Variants in CCDC7 observed in about 807,000 individuals in gnomAD.
CCDC7 encodes the protein coiled-coil domain containing 7.
In CCDC7, 183 loss-of-function variants were observed where a neutral mutation model predicts 196.9. The observed-to-expected ratio is 0.93, with a 90% confidence interval of 0.82 to 1.05. The LOEUF (loss-of-function observed/expected upper bound fraction) is 1.05. CCDC7 is among the 50% of genes least tolerant of loss of function. The probability of loss-of-function intolerance (pLI) is 0.00; values close to 1 mark genes in which losing one functional copy is unlikely to be tolerated. For missense variants in CCDC7, 1,540 were observed against 1,482.2 expected (o/e 1.04, Z -0.64); for synonymous variants, 525 against 484.6 (o/e 1.08, Z -1.10).
intron 28 of CCDC7, among the ~76,000 whole-genome samples, chr10:32,729,861 T>C (rs1453065858): frequency 6.6e-6 from 1 of 152,196 alleles, no homozygotes; most frequent in Non-Finnish European, 1.5e-5. Context: ...TTATTATGGC[T>C]CCACAAACTT....
At chr10:32,530,027 T>A (rs981149015) in intron 11 of CCDC7, among the ~76,000 whole-genome samples, 5 of 152,102 alleles carry the variant, frequency 3.3e-5, no homozygotes, top group African/African-American at 1.2e-4. Flanking sequence ...TTGAATAGGG[T>A]GTCCTTTCCC....
intron 41 of CCDC7, among the ~76,000 whole-genome samples, chr10:32,865,395 C>A (rs2094164606): frequency 9.8e-6 from 1 of 101,886 alleles, no homozygotes; most frequent in Non-Finnish European, 2.0e-5. Context: ...GTGAGGTACT[C>A]CTATTATACA....
intron 9 of CCDC7, among the ~76,000 whole-genome samples, chr10:32,514,741 C>G (rs561314644): frequency 2.6e-5 from 4 of 152,314 alleles, no homozygotes; most frequent in Non-Finnish European, 5.9e-5. Context: ...GGCACTGAAA[C>G]TACAAAACAT....
At chr10:32,792,890 A>G (rs1049863118) in intron 29 of CCDC7, among the ~76,000 whole-genome samples, 4 of 152,228 alleles carry the variant, frequency 2.6e-5, no homozygotes, top group African/African-American at 9.6e-5. Context: ...TACAAAAAAT[A>G]TTAAATCACA....
At chr10:32,711,374 A>T (rs1295977882) in intron 24 of CCDC7, among the ~76,000 whole-genome samples, 1 of 152,104 alleles carries the variant, frequency 6.6e-6, no homozygotes, top group Non-Finnish European at 1.5e-5. Flanking sequence ...TAAATAACTT[A>T]AGGAAAGTAG....
chr10:32,518,051 C>A, intron 10 of CCDC7, 76 bp downstream of exon 11: 1 of 1,457,176 alleles, frequency 6.9e-7, no homozygotes, highest in East Asian at 2.5e-5. Context: ...TGTCAGGATA[C>A]ATAATCCTAT....
upstream of CCDC7, among the ~76,000 whole-genome samples, chr10:32,446,882 TTGCC>T (rs71027088): frequency 0.39 from 42,278 of 109,702 alleles, 7,483 homozygotes; most frequent in Middle Eastern, 0.43. Context: ...CAAGTGAGCG[TTGCC>T]TGCCTGCCTG....
At chr10:32,636,219 C>CT (rs951529572) in intron 20 of CCDC7, among the ~76,000 whole-genome samples, 5 of 151,704 alleles carry the variant, frequency 3.3e-5, no homozygotes, top group Admixed American at 1.3e-4. Context: ...TCATTTAGTT[C>CT]TTTTTTTTAT....
chr10:32,705,084 T>A (rs1303700050), intron 24 of CCDC7, among the ~76,000 whole-genome samples: 1 of 152,228 alleles, frequency 6.6e-6, no homozygotes, highest in East Asian at 1.9e-4. Context: ...AATGCAGAAA[T>A]CATTCGTGTT....
At position 32,822,011 on chromosome 10, in the gene CCDC7, A is replaced by G. The variant is rs766971497; in HGVS notation, c.3182-2507A>G. 1.2e-3 allele frequency among the ~76,000 whole-genome samples: 185 copies of G among 150,092 alleles called. 1 individual carries two copies. Among genetic ancestry groups the G allele is most frequent in the Admixed American group, 2.9e-3 (43 of 15,062 alleles). ...TAAATAAAAGTGCTGAAAAAAAAAA[A>G]TCTACCAACCAATAATTTTATTGCT... On this transcript the variant is annotated intron_variant, in intron 31 of 41. Coordinates refer to ENST00000639629, the Ensembl canonical transcript of CCDC7.
chr10:32,622,203 A>C (rs1286318079), intron 18 of CCDC7, among the ~76,000 whole-genome samples: 1 of 152,186 alleles, frequency 6.6e-6, no homozygotes, highest in East Asian at 1.9e-4. Flanking sequence ...ACAGCTTTAG[A>C]TAAAAGGCAG....
intron 11 of CCDC7, among the ~76,000 whole-genome samples, chr10:32,541,502 C>T (rs1262851453): frequency 1.3e-5 from 2 of 152,206 alleles, no homozygotes; most frequent in African/African-American, 4.8e-5. Context: ...GCAAGCCTTA[C>T]CCGCCTGGCT....
intron 16 of CCDC7, among the ~76,000 whole-genome samples, chr10:32,579,161 CTG>C (rs1180053910): frequency 6.6e-6 from 1 of 152,028 alleles, no homozygotes; most frequent in Non-Finnish European, 1.5e-5. Context: ...AGGACAGAGA[CTG>C]GAGTAAGTAG....
At chr10:32,569,966 C>A (rs2057351776) in intron 15 of CCDC7, among the ~76,000 whole-genome samples, 1 of 152,046 alleles carries the variant, frequency 6.6e-6, no homozygotes. Flanking sequence ...CCTAGAGTTT[C>A]TTTTTATTCC....
intron 20 of CCDC7, among the ~76,000 whole-genome samples, chr10:32,643,862 T>G (rs1183675920): frequency 2.0e-5 from 3 of 149,406 alleles, no homozygotes; most frequent in Admixed American, 2.0e-4. Context: ...AAAATTATTT[T>G]GAAAATTAAT....
At chr10:32,817,225 GA>G (rs1437828951) in intron 31 of CCDC7, among the ~76,000 whole-genome samples, 8 of 152,204 alleles carry the variant, frequency 5.3e-5, no homozygotes, top group Admixed American at 3.9e-4. Flanking sequence ...TCAACTGGAA[GA>G]GGGGGTATCA....
At chr10:32,607,969 T>G (rs2061703696) in intron 18 of CCDC7, among the ~76,000 whole-genome samples, 1 of 152,190 alleles carries the variant, frequency 6.6e-6, no homozygotes, top group African/African-American at 2.4e-5. Context: ...TGACTTTTTA[T>G]TACTGATTTA....
rs11008993 is a variant in CCDC7, at chr10:32,601,989, C to T, written c.1801+17685C>T. Among the ~76,000 whole-genome samples, 505 of 152,292 alleles carry T rather than the reference C, an allele frequency of 3.3e-3. 2 individuals carry two copies. Among genetic ancestry groups the T allele is most frequent in the African/African-American group, 0.011 (470 of 41,570 alleles). On this transcript the variant is annotated intron_variant, in intron 18 of 41. Coordinates refer to ENST00000639629, the Ensembl canonical transcript of CCDC7. The stretch of plus-strand genomic sequence containing the variant: ...AATAAAAGCTGGCCACCCGAGCCAG[C>T]AGCGGCAACCTGATCGGGTCCCCTT...
At chr10:32,655,407 A>T (rs1350160496) in intron 20 of CCDC7, among the ~76,000 whole-genome samples, 1 of 152,070 alleles carries the variant, frequency 6.6e-6, no homozygotes, top group African/African-American at 2.4e-5. Flanking sequence ...TGCGTTTTTC[A>T]TTATAGTTGT....
Sources: gnomAD v4.1 joint callset for allele counts (sites outside exome capture counted in the v4.1 genomes callset) on GRCh38, gnomAD v4.1.1 for gene constraint, MANE v1.5 for transcripts, NCBI Gene and HGNC (gene_info 2026-07-23, HGNC 2026-07-21) for gene names.